The following SSBP3 variants were observed in gnomAD, a reference collection of about 807,000 sequenced individuals.
SSBP3 encodes the protein single stranded DNA binding protein 3, also known as single-stranded DNA-binding protein 3.
A neutral mutation model predicts 69.6 loss-of-function variants in SSBP3; 5 were observed. The observed-to-expected ratio is 0.07, with a 90% CI of 0.04 to 0.15. SSBP3 has a LOEUF of 0.15. Among genes scored for constraint, SSBP3 ranks in the 10% least tolerant of loss-of-function variants. The pLI is 1.00. For missense variants in SSBP3, 312 were observed against 534.0 expected, an observed-to-expected ratio of 0.58 and a Z score of 4.10; for synonymous variants, 196 against 193.4, an observed-to-expected ratio of 1.01 and a Z score of -0.11.
intron 1 of SSBP3, 129 bp from the exon 2 acceptor site, chr1:54,405,059 G>C: frequency 1.2e-6 from 1 of 812,102 alleles, no homozygotes; most frequent in Non-Finnish European, 2.1e-6. Flanking sequence ...CCAGAGGTAA[G>C]CAGCTAGCTC....
chr1:54,315,014 A>G (rs763933837), intron 4 of SSBP3, among the ~76,000 whole-genome samples: 2 of 152,176 alleles, frequency 1.3e-5, no homozygotes, highest in Non-Finnish European at 2.9e-5. Flanking sequence ...CATCTGTCAC[A>G]GCATATAGAA....
chr1:54,312,922 C>CCCAGGAGGGAGG (rs1646029217), intron 4 of SSBP3, among the ~76,000 whole-genome samples: 1 of 152,064 alleles, frequency 6.6e-6, no homozygotes, highest in Admixed American at 6.6e-5. Context: ...GAAAGGCAGG[C>CCCAGGAGGGAGG]CCAGGAGGGA....
chr1:54,368,288 C>CAAAA (rs57721486), intron 4 of SSBP3, among the ~76,000 whole-genome samples: 1 of 69,026 alleles, frequency 1.4e-5, no homozygotes. Flanking sequence ...GACTCCATCT[C>CAAAA]AAAAAAAAAA....
At chr1:54,281,182 G>A (rs964966226) in intron 5 of SSBP3, among the ~76,000 whole-genome samples, 3 of 152,220 alleles carry the variant, frequency 2.0e-5, no homozygotes, top group African/African-American at 7.2e-5. Flanking sequence ...CGCCTACGAA[G>A]CTGGCATGAA....
At chr1:54,277,947 C>G (rs1241502084) in intron 5 of SSBP3, among the ~76,000 whole-genome samples, 3 of 152,194 alleles carry the variant, frequency 2.0e-5, no homozygotes, top group Non-Finnish European at 4.4e-5. Context: ...AAAAATGCCA[C>G]TGCTTGATTA....
intron 5 of SSBP3, among the ~76,000 whole-genome samples, chr1:54,265,297 G>T (rs1238680101): frequency 6.6e-6 from 1 of 152,198 alleles, no homozygotes; most frequent in East Asian, 1.9e-4. Flanking sequence ...GAGAGGGGTT[G>T]TGTGAAGGGT....
intron 5 of SSBP3, among the ~76,000 whole-genome samples, chr1:54,277,673 A>T (rs535831151): frequency 6.6e-6 from 1 of 152,366 alleles, no homozygotes; most frequent in African/African-American, 2.4e-5. Context: ...ATTTAAAAAC[A>T]AAACAAGAAG....
chr1:54,310,165 G>A (rs572344143), intron 4 of SSBP3, among the ~76,000 whole-genome samples: 8 of 152,304 alleles, frequency 5.3e-5, no homozygotes, highest in Middle Eastern at 3.4e-3. Flanking sequence ...CAAGATGCCC[G>A]TCTTAGTGCC....
chr1:54,259,771 G>A (rs1201379567), intron 5 of SSBP3, among the ~76,000 whole-genome samples: 1 of 152,238 alleles, frequency 6.6e-6, no homozygotes, highest in Non-Finnish European at 1.5e-5. Flanking sequence ...CCGCCGCTGT[G>A]AGGCCTGGGA....
intron 4 of SSBP3, among the ~76,000 whole-genome samples, chr1:54,389,276 G>C (rs561718793): frequency 7.9e-5 from 12 of 152,290 alleles, no homozygotes; most frequent in African/African-American, 2.6e-4. Context: ...GAGTCCACAG[G>C]GGGTGGTAGG....
At chr1:54,306,663 C>T (rs567711840) in intron 4 of SSBP3, among the ~76,000 whole-genome samples, 1 of 152,246 alleles carries the variant, frequency 6.6e-6, no homozygotes, top group South Asian at 2.1e-4. Context: ...CGTGTGATTG[C>T]CTCTCTTAAT....
intron 14 of SSBP3, chr1:54,237,832 A>G (rs1381945741): frequency 6.6e-6 from 2 of 301,196 alleles, no homozygotes; most frequent in Non-Finnish European, 6.6e-6. Flanking sequence ...GCATGACTGC[A>G]GCGTGCGGAG....
At chr1:54,288,442 C>T (rs1037360776) in intron 4 of SSBP3, among the ~76,000 whole-genome samples, 3 of 152,218 alleles carry the variant, frequency 2.0e-5, no homozygotes, top group African/African-American at 4.8e-5. Context: ...GCCAGGCCAT[C>T]AGACCCAAAT....
At chr1:54,270,719 A>G (rs371466668) in intron 5 of SSBP3, among the ~76,000 whole-genome samples, 7 of 152,268 alleles carry the variant, frequency 4.6e-5, no homozygotes, top group African/African-American at 1.7e-4. Context: ...ACAACTCTAA[A>G]GTCTCGAGAG....
Position 54,289,020 on chromosome 1 carries a change from CAAAAAAA to C in SSBP3, c.277-7500_277-7494del, listed in dbSNP as rs777871964. ...GGGCGACAGAGCTAGACTCTGTCTC[CAAAAAAA>C]AAAAAAAAACAAAAAAACAAAAAAA... On this transcript the variant is annotated intron_variant, in intron 4 of 17. Coordinates refer to ENST00000610401, the Ensembl canonical transcript of SSBP3. Among the ~76,000 whole-genome samples, 302 of 43,924 alleles carry C rather than the reference CAAAAAAA, an allele frequency of 6.9e-3. 7 individuals carry two copies. Among genetic ancestry groups the C allele is most frequent in the African/African-American group, 0.019 (287 of 15,204 alleles). 28.8% of individuals were successfully genotyped at this position (43,924 alleles called of 152,430 possible).
intron 4 of SSBP3, among the ~76,000 whole-genome samples, chr1:54,288,586 T>TGGGGG (rs34312035): frequency 5.6e-5 from 7 of 125,444 alleles, no homozygotes; most frequent in East Asian, 4.3e-4. Context: ...TCAGCAGGGG[T>TGGGGG]GGGGGGGGGG....
At chr1:54,245,122 C>T (rs896268662) in intron 9 of SSBP3, among the ~76,000 whole-genome samples, 2 of 152,156 alleles carry the variant, frequency 1.3e-5, no homozygotes, top group Non-Finnish European at 1.5e-5. Flanking sequence ...TAAGCTCTGC[C>T]CTTGTAGGAG....
chr1:54,264,101 G>C (rs1027321962), intron 5 of SSBP3, among the ~76,000 whole-genome samples: 1 of 152,168 alleles, frequency 6.6e-6, no homozygotes, highest in Non-Finnish European at 1.5e-5. Context: ...AGGAGTTTGA[G>C]ACCAGCCTGG....
intron 6 of SSBP3, 129 bp downstream of exon 6, chr1:54,257,940 T>C: frequency 1.2e-6 from 1 of 849,656 alleles, no homozygotes; most frequent in Non-Finnish European, 1.7e-6. Flanking sequence ...TCTAAAAAAA[T>C]TTAATTTGTC....
Sources: gnomAD v4.1 joint callset for allele counts (sites outside exome capture counted in the v4.1 genomes callset) on GRCh38, gnomAD v4.1.1 for gene constraint, MANE v1.5 for transcripts, NCBI Gene and HGNC (gene_info 2026-07-23, HGNC 2026-07-21) for gene names.